NDUFAF8: variants seen among roughly 807,000 people sequenced by gnomAD.
NDUFAF8 encodes the protein NADH dehydrogenase [ubiquinone] 1 alpha subcomplex assembly factor 8.
NDUFAF8 carries 9 observed loss-of-function variants against 9.9 expected under a neutral mutation model. The ratio of observed to expected loss-of-function variants is 0.91; its 90% CI spans 0.55 to 1.59. NDUFAF8 has a LOEUF of 1.59. Ranked by LOEUF, NDUFAF8 falls within the 40% of genes most tolerant of loss-of-function variation. NDUFAF8 has a pLI of 0.00. For missense variants in NDUFAF8, 114 were observed against 113.8 expected (o/e 1.00, Z -0.01); for synonymous variants, 63 against 51.2 (o/e 1.23, Z -0.98).
At position 81,239,528 on chromosome 17, in the gene NDUFAF8, G is replaced by A. The variant is rs370099258; in HGVS notation, c.85-40G>A. The A allele has an allele frequency of 3.9e-4, 573 of 1,482,734 alleles. 5 individuals are homozygous for A. The African/African-American group carries it at 7.7e-3, about 20-fold the overall frequency. 91.8% of individuals were successfully genotyped at this position (1,482,734 alleles called of 1,614,324 possible). A position where few individuals can be genotyped will look rare whatever the true frequency, so the allele number is the denominator to read the frequency against. On this transcript the variant is annotated intron_variant, in intron 1 of 2. Transcript: ENST00000431388. ...TGGCTGGGAGGGAGGACGGTGACGG[G>A]GTCAGGGGACCCCACGACCCACGCC...
chr17:81,240,681 AG>A (rs1555623920), intron 2 of NDUFAF8, among the ~76,000 whole-genome samples: 4,211 of 139,816 alleles, frequency 0.03, 139 homozygotes, highest in East Asian at 0.1. Context: ...AAAAAAAAAA[AG>A]GGGGGGGGCT....
At chr17:81,239,853 C>A in intron 2 of NDUFAF8, 175 bp downstream of exon 2, 1 of 700,546 alleles carries the variant, frequency 1.4e-6, no homozygotes, top group Non-Finnish European at 2.4e-6. Flanking sequence ...CTCGGCCGTC[C>A]TGGGCTTGTC....
At position 81,239,589 on chromosome 17, in the gene NDUFAF8, G is replaced by A; in HGVS notation, c.106G>A (p.Val36Met). 6.5e-7 allele frequency: 1 copy of A among 1,537,880 alleles called. No individual in the cohort carries two copies. Among genetic ancestry groups the A allele is most frequent in the South Asian group, 1.2e-5 (1 of 83,874 alleles). ...GCAGGCCGCGGCGTACGGCAGGTGCGTGCAGGCCTCCACGGCCCCGGGCGG... is the reference window on the plus strand; with the variant it reads ...GCAGGCCGCGGCGTACGGCAGGTGCATGCAGGCCTCCACGGCCCCGGGCGG... ...GAEAAAYGRC[V>M]QASTAPGGRL... is the part of the protein sequence containing the mutation. The change falls in exon 2 of 3, where the codon GTG becomes ATG. Residue 36 changes from valine to methionine, a missense_variant. By Grantham distance (21) the Val-to-Met change is conservative (BLOSUM62 1). Coordinates refer to ENST00000431388, the MANE Select transcript of NDUFAF8 (RefSeq NM_001086521.2).
intron 2 of NDUFAF8, chr17:81,240,116 GC>G (rs1382309957): frequency 4.5e-6 from 1 of 222,450 alleles, no homozygotes; most frequent in African/African-American, 2.4e-5. Context: ...GGAACCCCCA[GC>G]CACCCTCACA....
At chr17:81,240,110 C>T (rs1158539085) in intron 2 of NDUFAF8, 1 of 221,546 alleles carries the variant, frequency 4.5e-6, no homozygotes, top group African/African-American at 2.4e-5. Context: ...CTGCGGGGAA[C>T]CCCCAGCCAC....
chr17:81,239,923 A>G (rs2062798313), intron 2 of NDUFAF8: 1 of 573,258 alleles, frequency 1.7e-6, no homozygotes, highest in Admixed American at 3.2e-5. Context: ...GATGTGTGCA[A>G]AAAAGCGCCT....
At chr17:81,239,771 G>A in intron 2 of NDUFAF8, 93 bp downstream of exon 2, 1 of 1,321,774 alleles carries the variant, frequency 7.6e-7, no homozygotes, top group Non-Finnish European at 1.0e-6. Context: ...GTTGGTTCAA[G>A]GTTTGAGCGC....
At position 81,241,265 on chromosome 17, in the gene NDUFAF8, C is replaced by T; in HGVS notation, c.*249C>T. The T allele has an allele frequency of 8.5e-7, 1 of 1,173,752 alleles. No homozygotes were observed. Among genetic ancestry groups the T allele is most frequent in the Middle Eastern group, 3.2e-4 (1 of 3,160 alleles). The allele number at this position is 1,173,752 out of a possible 1,614,324, so 72.7% of individuals were successfully genotyped here. On this transcript the variant is annotated 3_prime_UTR_variant, in exon 3 of 3. Transcript: ENST00000431388. ...GATGTAACGGAAGCCACGATAAAGACTCGGTCAAATCCTGCAGCCTGGGGC... is the reference window on the plus strand; with the variant it reads ...GATGTAACGGAAGCCACGATAAAGATTCGGTCAAATCCTGCAGCCTGGGGC...
intron 2 of NDUFAF8, among the ~76,000 whole-genome samples, chr17:81,240,681 A>AAAAG (rs1555623921): frequency 7.2e-6 from 1 of 139,778 alleles, no homozygotes; most frequent in Admixed American, 7.1e-5. Flanking sequence ...AAAAAAAAAA[A>AAAAG]GGGGGGGGGC....
chr17:81,241,190 A>G lies in NDUFAF8; in HGVS notation c.*174A>G. ...TCTTAACAAGTTGAGGCGTGGGTAG[A>G]GCAGGAATTGGTTTTCCAGCATTGT... On this transcript the variant is annotated 3_prime_UTR_variant, in exon 3 of 3. Coordinates refer to ENST00000431388, the MANE Select transcript of NDUFAF8 (RefSeq NM_001086521.2). 1 of 1,388,160 alleles carries G rather than the reference A, an allele frequency of 7.2e-7. No individual in the cohort carries two copies. Among genetic ancestry groups the G allele is most frequent in the Non-Finnish European group, 9.4e-7 (1 of 1,068,210 alleles). 86.0% of individuals were successfully genotyped at this position (1,388,160 alleles called of 1,614,324 possible).
At position 81,241,020 on chromosome 17, in the gene NDUFAF8, G is replaced by A. The variant is rs1244250004; in HGVS notation, c.*4G>A. The A allele has an allele frequency of 8.1e-6, 13 of 1,612,956 alleles. No homozygotes were observed. The African/African-American group carries it at 1.7e-4, about 22-fold the overall frequency. ...GACGCTGGAGGGAGGCTGTTAGGAG[G>A]GACTCTGAGCTTCACACCTGTCTGC... On this transcript the variant is annotated 3_prime_UTR_variant, in exon 3 of 3. Coordinates refer to ENST00000431388, the MANE Select transcript of NDUFAF8 (RefSeq NM_001086521.2).
chr17:81,239,913 G>A (rs1304965517), intron 2 of NDUFAF8: 20 of 588,960 alleles, frequency 3.4e-5, no homozygotes, highest in Admixed American at 2.8e-4. Flanking sequence ...AAGGATGGGA[G>A]ATGTGTGCAA....
rs1410968941 is a variant in NDUFAF8, at chr17:81,239,567, G to A, written c.85-1G>A. On this transcript the variant is annotated splice_acceptor_variant, in intron 1 of 2. Transcript: ENST00000431388. LOFTEE classifies it high-confidence loss of function. ...ACGACCCACGCCCGTCCTTTCCGCA[G>A]GCCGCGGCGTACGGCAGGTGCGTGC... 1 of 1,530,620 alleles carries A rather than the reference G, an allele frequency of 6.5e-7. No individual in the cohort carries two copies. Among genetic ancestry groups the A allele is most frequent in the Admixed American group, 2.0e-5 (1 of 50,368 alleles). The allele number at this position is 1,530,620 out of a possible 1,614,324, so 94.8% of individuals were successfully genotyped here. A position where few individuals can be genotyped will look rare whatever the true frequency, so the allele number is the denominator to read the frequency against.
chr17:81,240,080 G>A (rs1010287221), intron 2 of NDUFAF8: 1 of 260,430 alleles, frequency 3.8e-6, no homozygotes, highest in South Asian at 3.6e-5. Context: ...CTGCAGTGGT[G>A]GATTCCTTCA....
chr17:81,239,741 C>T (rs753311658), intron 2 of NDUFAF8, 63 bp downstream of exon 2: 145 of 1,474,918 alleles, frequency 9.8e-5, no homozygotes, highest in Non-Finnish European at 1.3e-4. Flanking sequence ...CAGCGGGCCC[C>T]GGCTTTCCTT....
chr17:81,239,895 A>G, intron 2 of NDUFAF8: 1 of 610,510 alleles, frequency 1.6e-6, no homozygotes, highest in South Asian at 2.0e-5. Context: ...ACTGGCACCA[A>G]CCTCAGAAAG....
At position 81,241,274 on chromosome 17, in the gene NDUFAF8, A is replaced by C; in HGVS notation, c.*258A>C. ...GAAGCCACGATAAAGACTCGGTCAA[A>C]TCCTGCAGCCTGGGGCTTACTGTGT... On this transcript the variant is annotated 3_prime_UTR_variant, in exon 3 of 3. Transcript: ENST00000431388. The C allele has an allele frequency of 2.7e-6, 3 of 1,098,290 alleles. No homozygotes were observed. Among genetic ancestry groups the C allele is most frequent in the Non-Finnish European group, 3.6e-6 (3 of 838,346 alleles). 68.0% of individuals were successfully genotyped at this position (1,098,290 alleles called of 1,614,324 possible).
chr17:81,240,918 T>A, intron 2 of NDUFAF8, 69 bp from the exon 3 acceptor site: 1 of 1,554,398 alleles, frequency 6.4e-7, no homozygotes, highest in Non-Finnish European at 8.8e-7. Flanking sequence ...ACGTGTGGTG[T>A]GGTAGCTTGC....
rs888243307 is a variant in NDUFAF8, at chr17:81,239,555, G to T, written c.85-13G>T. 6.6e-7 allele frequency: 1 copy of T among 1,526,554 alleles called. No individual in the cohort carries two copies. Among genetic ancestry groups the T allele is most frequent in the Non-Finnish European group, 8.8e-7 (1 of 1,140,842 alleles). 94.6% of individuals were successfully genotyped at this position (1,526,554 alleles called of 1,614,324 possible). On this transcript the variant is annotated splice_polypyrimidine_tract_variant and intron_variant, in intron 1 of 2. Coordinates refer to ENST00000431388, the MANE Select transcript of NDUFAF8 (RefSeq NM_001086521.2). Reference sequence around the variant, plus strand: ...TCAGGGGACCCCACGACCCACGCCCGTCCTTTCCGCAGGCCGCGGCGTACG... The same window carrying T: ...TCAGGGGACCCCACGACCCACGCCCTTCCTTTCCGCAGGCCGCGGCGTACG...
Sources: gnomAD v4.1 joint callset for allele counts (sites outside exome capture counted in the v4.1 genomes callset) on GRCh38, gnomAD v4.1.1 for gene constraint, MANE v1.5 for transcripts, NCBI Gene and HGNC (gene_info 2026-07-23, HGNC 2026-07-21) for gene names.